VWF: variants seen among roughly 807,000 people sequenced by gnomAD.
VWF encodes the protein von Willebrand factor.
Under a neutral mutation model 308.6 loss-of-function variants are expected in VWF, and 176 were observed. That is an observed-to-expected ratio of 0.57 (90% CI 0.50 to 0.65). VWF has a LOEUF of 0.65. Ranked by LOEUF, VWF falls within the 30% of genes least tolerant of loss-of-function variation. VWF has a pLI of 0.00. For missense variants in VWF, 3,146 were observed against 3,648.2 expected (o/e 0.86, Z 3.55); for synonymous variants, 1,385 against 1,443.4 (o/e 0.96, Z 0.92).
rs75389741 is a variant in VWF, at chr12:6,115,493, T to A, written c.221-4525A>T. 7.8e-3 allele frequency among the ~76,000 whole-genome samples: 1,187 copies of A among 152,262 alleles called. 6 individuals are homozygous for A. The highest frequency in any genetic ancestry group is 0.014 in the East Asian group (75 of 5,188). ...ATGACTCAGGACACACACACACACG[T>A]TTCATATCATATTTACCCTTGCCGT... is the stretch of plus-strand genomic sequence containing the variant. On this transcript the variant is annotated intron_variant, in intron 3 of 51. Transcript: ENST00000261405.
In VWF at chr12:5,991,808, C is replaced by T. The variant is rs139999346; in HGVS notation, c.6798+11G>A. ...GCAGCCCCATGGGAAGTGAAAGGCC[C>T]AGGCTCCTACCTGGTGCTGGACTCC... On this transcript the variant is annotated intron_variant, in intron 38 of 51. Coordinates refer to ENST00000261405, the MANE Select transcript of VWF (RefSeq NM_000552.5). 3.9e-4 allele frequency: 632 copies of T among 1,613,610 alleles called. 1 individual carries two copies. The African/African-American group carries it at 4.8e-3, about 12-fold the overall frequency.
At chr12:6,070,310 G>A (rs1183199257) in intron 10 of VWF, among the ~76,000 whole-genome samples, 1 of 152,196 alleles carries the variant, frequency 6.6e-6, no homozygotes, top group Non-Finnish European at 1.5e-5. Context: ...TCCCAGTGTA[G>A]AGGACACTGG....
chr12:5,959,381 T>C (rs1373846963), intron 47 of VWF, among the ~76,000 whole-genome samples: 1 of 152,182 alleles, frequency 6.6e-6, no homozygotes, highest in Non-Finnish European at 1.5e-5. Flanking sequence ...TAGTCAGTGA[T>C]TTTTATGTTC....
At chr12:6,053,017 C>T (rs1486456762) in intron 15 of VWF, among the ~76,000 whole-genome samples, 1 of 152,218 alleles carries the variant, frequency 6.6e-6, no homozygotes, top group Non-Finnish European at 1.5e-5. Flanking sequence ...CATCAACTTC[C>T]TTTCCCACTA....
chr12:6,018,866 T>C lies in VWF; in HGVS notation c.4552A>G (p.Lys1518Glu), dbSNP rs61750102. ...KIGEADFNRS[K>E]EFMEEVIQRM... is the part of the protein sequence containing the mutation. ...TGAATCACCTCCTCCATGAACTCCT[T>C]GCTCCTGTTGAAGTCGGCTTCACCA... Residue 1518 changes from lysine to glutamate, a missense_variant, in exon 28 of 52, where the codon AAG becomes GAG. Around this residue, in one of 3 missense-constraint regions of VWF, gnomAD observed 853 missense variants for 1,177.8 expected, o/e 0.72. Coordinates refer to ENST00000261405, the MANE Select transcript of VWF (RefSeq NM_000552.5). The C allele has an allele frequency of 6.2e-7, 1 of 1,613,912 alleles. No individual in the cohort carries two copies. The highest frequency in any genetic ancestry group is 8.5e-7 in the Non-Finnish European group (1 of 1,179,848).
Position 6,000,709 on chromosome 12 carries a change from G to A in VWF, c.5843-4487C>T, listed in dbSNP as rs540227213. ...CGCCTGTAGTCCCAGCTACTCGGGA[G>A]GCTGAGGCAGGAGAATGGCGTGAAC... is the stretch of plus-strand genomic sequence containing the variant. On this transcript the variant is annotated intron_variant, in intron 34 of 51. Coordinates refer to ENST00000261405, the MANE Select transcript of VWF (RefSeq NM_000552.5). Among the ~76,000 whole-genome samples, 277 of 151,356 alleles carry A rather than the reference G, an allele frequency of 1.8e-3. 1 individual carries two copies. The highest frequency in any genetic ancestry group is 6.5e-3 in the African/African-American group (270 of 41,288).
rs746534666 is a variant in VWF, at chr12:6,016,150, G to A, written c.5394C>T (p.Ile1798=). 6.2e-7 allele frequency: 1 copy of A among 1,614,174 alleles called. No homozygotes were observed. ...ARPGASKAVV[I]LVTDVSVDSV... ...AATCCACAGAGACGTCCGTGACCAG[G>A]ATGACCACCGCCTTTGAGGCTCCCG... Residue 1798 remains isoleucine, a synonymous_variant, in exon 31 of 52, where the codon ATC becomes ATT. Transcript: ENST00000261405.
intron 5 of VWF, 54 bp downstream of exon 5, chr12:6,110,320 G>A: frequency 6.3e-7 from 1 of 1,582,072 alleles, no homozygotes; most frequent in Non-Finnish European, 8.7e-7. Context: ...TTATGAGCAA[G>A]GAAATAAAAA....
intron 6 of VWF, among the ~76,000 whole-genome samples, chr12:6,082,692 G>A (rs964516087): frequency 2.6e-5 from 4 of 152,192 alleles, no homozygotes; most frequent in African/African-American, 9.7e-5. Context: ...TAAGTCACTT[G>A]TCTTTTTCTG....
chr12:6,087,559 G>C (rs1453248638), intron 6 of VWF, among the ~76,000 whole-genome samples: 1 of 146,738 alleles, frequency 6.8e-6, no homozygotes, highest in African/African-American at 2.5e-5. Flanking sequence ...TAGAGACGGG[G>C]CTTCACTGTG....
At chr12:5,983,297 G>A in intron 40 of VWF, 43 bp from the exon 41 acceptor site, 4 of 1,591,624 alleles carry the variant, frequency 2.5e-6, no homozygotes, top group Middle Eastern at 1.7e-4. Context: ...GTTCAGAAAG[G>A]TTACTCTTTT....
At position 6,046,459 on chromosome 12, in the gene VWF, T is replaced by C. The variant is rs139692872; in HGVS notation, c.2281+264A>G. Reference sequence around the variant, plus strand: ...CTCCACGGGCAAAATAGGGGTCTCATAGAATTTATCTGCAGGTCTTTCCCC... The same window carrying C: ...CTCCACGGGCAAAATAGGGGTCTCACAGAATTTATCTGCAGGTCTTTCCCC... On this transcript the variant is annotated intron_variant, in intron 17 of 51. Coordinates refer to ENST00000261405, the MANE Select transcript of VWF (RefSeq NM_000552.5). The surrounding 1 kb of genome is among the most constrained non-coding windows in gnomAD (Gnocchi z 5.0). Among the ~76,000 whole-genome samples, 236 of 152,348 alleles carry C rather than the reference T, an allele frequency of 1.5e-3. No homozygotes were observed. Among genetic ancestry groups the C allele is most frequent in the African/African-American group, 5.4e-3 (223 of 41,576 alleles).
At chr12:5,988,250 A>G (rs7979300) in intron 38 of VWF, among the ~76,000 whole-genome samples, 9,977 of 152,240 alleles carry the variant, frequency 0.066, 1,135 homozygotes, top group African/African-American at 0.23. Flanking sequence ...TGCCTCACAG[A>G]GAAGAGCTAA....
chr12:6,053,330 C>T (rs954929929), intron 15 of VWF, among the ~76,000 whole-genome samples: 2 of 152,194 alleles, frequency 1.3e-5, no homozygotes, highest in Non-Finnish European at 2.9e-5. Context: ...TTTCAAGAAA[C>T]TTAGGCTGAG....
chr12:5,958,117 A>G lies in VWF; in HGVS notation c.7888-4523T>C, dbSNP rs185814268. On this transcript the variant is annotated intron_variant, in intron 47 of 51. Transcript: ENST00000261405. ...AGATATAGTACTAAAAAAAAGAAAA[A>G]AAAGAAAAACTCAGTTGAACCAAAA... Among the ~76,000 whole-genome samples, 451 of 152,262 alleles carry G rather than the reference A, an allele frequency of 3.0e-3. 2 individuals carry two copies. Among genetic ancestry groups the G allele is most frequent in the Non-Finnish European group, 4.3e-3 (293 of 68,000 alleles).
chr12:5,951,617 A>G (rs762804764), intron 50 of VWF, among the ~76,000 whole-genome samples: 1 of 152,160 alleles, frequency 6.6e-6, no homozygotes, highest in Non-Finnish European at 1.5e-5. Flanking sequence ...ATGGGATCTA[A>G]AAGGGAGTTC....
chr12:6,071,837 C>A (rs1170406951), intron 9 of VWF, among the ~76,000 whole-genome samples: 4 of 152,178 alleles, frequency 2.6e-5, no homozygotes, highest in African/African-American at 9.7e-5. Flanking sequence ...GCAAAGCCAG[C>A]CAGAGGTGAC....
chr12:5,982,057 C>A, intron 41 of VWF, 66 bp from the exon 42 acceptor site: 1 of 1,501,870 alleles, frequency 6.7e-7, no homozygotes, highest in Non-Finnish European at 9.2e-7. Flanking sequence ...TTCAGCTATG[C>A]TATAGGGTGC....
intron 21 of VWF, among the ~76,000 whole-genome samples, chr12:6,031,145 C>A (rs1392672927): frequency 6.6e-6 from 1 of 152,152 alleles, no homozygotes; most frequent in Non-Finnish European, 1.5e-5. Context: ...CCTCCAGTCC[C>A]CACCCTACTC....
Sources: allele counts gnomAD v4.1 joint callset (sites outside exome capture counted in the v4.1 genomes callset), GRCh38; gene constraint gnomAD v4.1.1; regional missense constraint gnomAD v4.1.1; non-coding constraint Gnocchi (gnomAD v3.1); transcripts MANE v1.5; gene names NCBI Gene and HGNC (gene_info 2026-07-23, HGNC 2026-07-21).